The following EXD1 variants were observed in gnomAD, a reference collection of about 807,000 sequenced individuals.
EXD1 encodes piRNA biogenesis protein EXD1.
EXD1 carries 63 observed loss-of-function variants against 49.1 expected under a neutral mutation model. The ratio of observed to expected loss-of-function variants is 1.28; its 90% confidence interval spans 1.05 to 1.58. The LOEUF is 1.58. Among genes scored for constraint, EXD1 ranks in the 40% most tolerant of loss-of-function variants. EXD1 has a pLI of 0.00. For missense variants in EXD1, 748 were observed against 666.0 expected, an observed-to-expected ratio of 1.12 and a Z score of -1.36; for synonymous variants, 234 against 239.2, an observed-to-expected ratio of 0.98 and a Z score of 0.20.
At chr15:41,224,074 G>T (rs1248154024) in intron 2 of EXD1, among the ~76,000 whole-genome samples, 3 of 151,600 alleles carry the variant, frequency 2.0e-5, no homozygotes, top group African/African-American at 7.3e-5. Flanking sequence ...CAAGTAGCTG[G>T]GATTACAGGT....
chr15:41,196,138 T>G, intron 7 of EXD1, 101 bp from the exon 8 acceptor site: 3 of 794,968 alleles, frequency 3.8e-6, no homozygotes, highest in Non-Finnish European at 5.9e-6. Flanking sequence ...ATATCTAACA[T>G]CTTCACTTTA....
At chr15:41,219,136 C>T (rs1008406757) in intron 3 of EXD1, among the ~76,000 whole-genome samples, 1 of 152,138 alleles carries the variant, frequency 6.6e-6, no homozygotes, top group African/African-American at 2.4e-5. Context: ...TCCTACTTGA[C>T]ATGTATGAAG....
chr15:41,189,369 A>AAAAAAATAAATAAAT, intron 11 of EXD1, among the ~76,000 whole-genome samples: 1 of 150,852 alleles, frequency 6.6e-6, no homozygotes, highest in South Asian at 2.1e-4. Flanking sequence ...CTCCATCTCA[A>AAAAAAATAAATAAAT]AAAATAAAAA....
rs1445037210 is a variant in EXD1 at position 41,191,428 on chromosome 15, T to TC, written c.864+13dup. Reference sequence around the variant, plus strand: ...AAAAAAAATAATGTCATACAGGACATCCTTTACACCCACCTGAATTAGTTT... The same window carrying TC: ...AAAAAAAATAATGTCATACAGGACATCCCTTTACACCCACCTGAATTAGTTT... On this transcript the variant is annotated intron_variant, in intron 10 of 11. Transcript: ENST00000458580. 1.1e-5 allele frequency: 16 copies of TC among 1,448,300 alleles called. No individual in the cohort carries two copies. Among genetic ancestry groups the TC allele is most frequent in the Non-Finnish European group, 1.5e-5 (16 of 1,095,528 alleles). The allele number at this position is 1,448,300 out of a possible 1,614,324, so 89.7% of individuals were successfully genotyped here.
At position 41,209,589 on chromosome 15, in the gene EXD1, T is replaced by G; in HGVS notation, c.448-2A>C. The G allele has an allele frequency of 1.2e-6, 2 of 1,613,116 alleles. No homozygotes were observed. The highest frequency in any genetic ancestry group is 1.7e-6 in the Non-Finnish European group (2 of 1,179,698). On this transcript the variant is annotated splice_acceptor_variant, in intron 6 of 11. Transcript: ENST00000458580. LOFTEE classifies it high-confidence loss of function. ...ATTCTGCTTCTTGATATGGAGTATCTGGTAAGAAAAAGAAGGAAAGGAAAA... is the reference window on the plus strand; with the variant it reads ...ATTCTGCTTCTTGATATGGAGTATCGGGTAAGAAAAAGAAGGAAAGGAAAA...
chr15:41,189,295 G>A (rs1276884595), intron 11 of EXD1, among the ~76,000 whole-genome samples: 3 of 151,904 alleles, frequency 2.0e-5, no homozygotes, highest in Admixed American at 6.6e-5. Context: ...TTGAACCCAG[G>A]AGGCGGAGGC....
chr15:41,221,151 T>C (rs1398746201), intron 2 of EXD1, among the ~76,000 whole-genome samples: 2 of 152,334 alleles, frequency 1.3e-5, no homozygotes, highest in East Asian at 1.9e-4. Context: ...ATAATAAGTA[T>C]TTTATTATCT....
At chr15:41,224,411 T>A (rs1443725301) in intron 2 of EXD1, among the ~76,000 whole-genome samples, 1 of 152,190 alleles carries the variant, frequency 6.6e-6, no homozygotes, top group African/African-American at 2.4e-5. Flanking sequence ...AACTCAAAAT[T>A]TGGTTTCATA....
chr15:41,194,528 C>T lies in EXD1; in HGVS notation c.720+1247G>A, dbSNP rs977204547. On this transcript the variant is annotated intron_variant, in intron 9 of 11. Coordinates refer to ENST00000458580, the MANE Select transcript of EXD1 (RefSeq NM_001286441.2). ...AGAAGAAATCAGCCCTGCAAGACAC[C>T]TTGACTTTAGCCTAGTGAAAATGAT... Among the ~76,000 whole-genome samples the T allele has an allele frequency of 2.0e-5, 3 of 152,150 alleles. No individual in the cohort carries two copies. In the East Asian group the frequency reaches 5.8e-4, roughly 29 times the overall value.
At chr15:41,203,404 G>A (rs2046764831) in intron 7 of EXD1, among the ~76,000 whole-genome samples, 1 of 152,078 alleles carries the variant, frequency 6.6e-6, no homozygotes, top group Non-Finnish European at 1.5e-5. Flanking sequence ...CTGAATTGTG[G>A]GCTTCTAGCC....
intron 1 of EXD1, 64 bp downstream of exon 1, chr15:41,230,415 G>A (rs1214866281): frequency 1.3e-6 from 2 of 1,530,728 alleles, no homozygotes; most frequent in Admixed American, 1.7e-5. Context: ...AATACACCAT[G>A]AGAATAAAAT....
intron 2 of EXD1, among the ~76,000 whole-genome samples, chr15:41,223,613 G>A (rs1326007586): frequency 6.6e-6 from 1 of 152,000 alleles, no homozygotes; most frequent in Middle Eastern, 3.2e-3. Context: ...TGTAATCCCA[G>A]CACTTTGGGA....
At chr15:41,186,850 C>T (rs1425370197) in intron 11 of EXD1, among the ~76,000 whole-genome samples, 1 of 150,442 alleles carries the variant, frequency 6.6e-6, no homozygotes, top group East Asian at 1.9e-4. Context: ...TCTCGGCTCA[C>T]TGCAACCTCC....
At chr15:41,220,474 T>G (rs76780567) in intron 2 of EXD1, among the ~76,000 whole-genome samples, 24,615 of 152,018 alleles carry the variant, frequency 0.16, 3,684 homozygotes, top group African/African-American at 0.4. Flanking sequence ...TAGCCAGGAT[T>G]GGCTCGATCT....
intron 4 of EXD1, 79 bp from the exon 5 acceptor site, chr15:41,216,874 C>A: frequency 6.3e-7 from 1 of 1,577,178 alleles, no homozygotes; most frequent in South Asian, 1.2e-5. Context: ...CACACATTAA[C>A]GTTAAGGACA....
chr15:41,214,523 A>C (rs930896149), intron 6 of EXD1, among the ~76,000 whole-genome samples: 5 of 152,024 alleles, frequency 3.3e-5, no homozygotes, highest in African/African-American at 1.2e-4. Context: ...AAAAAAAAAA[A>C]AAAATTCTGA....
At chr15:41,225,641 G>C (rs188773213) in intron 2 of EXD1, among the ~76,000 whole-genome samples, 1 of 151,140 alleles carries the variant, frequency 6.6e-6, no homozygotes, top group African/African-American at 2.4e-5. Context: ...CCAGCACTTT[G>C]GGGGACCGAG....
At position 41,230,454 on chromosome 15, in the gene EXD1, A is replaced by G. The variant is rs753207648; in HGVS notation, c.-54+25T>C. Reference sequence around the variant, plus strand: ...AAATTTCTCATTTTTAAGACAAAATAAGGAACTTCAAATAAATGGCGGACC... The same window carrying G: ...AAATTTCTCATTTTTAAGACAAAATGAGGAACTTCAAATAAATGGCGGACC... On this transcript the variant is annotated intron_variant, in intron 1 of 11. Transcript: ENST00000458580. The G allele has an allele frequency of 1.1e-5, 18 of 1,604,382 alleles. 1 individual carries two copies. The highest frequency in any genetic ancestry group is 1.4e-5 in the Non-Finnish European group (16 of 1,171,198).
Position 41,226,606 on chromosome 15 carries a change from A to C in EXD1, c.-31T>G, listed in dbSNP as rs1157621927. 6.6e-7 allele frequency: 1 copy of C among 1,526,516 alleles called. No homozygotes were observed. Among genetic ancestry groups the C allele is most frequent in the East Asian group, 2.5e-5 (1 of 40,750 alleles). The allele number at this position is 1,526,516 out of a possible 1,614,324, so 94.6% of individuals were successfully genotyped here. A position where few individuals can be genotyped will look rare whatever the true frequency, so the allele number is the denominator to read the frequency against. ...TTGATTCCAAAAGCCGTCTTCAAAT[A>C]ATCTTCTTTAAGCATCCAAACACTT... is the stretch of plus-strand genomic sequence containing the variant. On this transcript the variant is annotated 5_prime_UTR_variant, in exon 2 of 12. The change creates a new upstream start codon in the 5' untranslated region. Coordinates refer to ENST00000458580, the MANE Select transcript of EXD1 (RefSeq NM_001286441.2).
Sources: allele counts gnomAD v4.1 joint callset (sites outside exome capture counted in the v4.1 genomes callset), GRCh38; gene constraint gnomAD v4.1.1; transcripts MANE v1.5; gene names NCBI Gene and HGNC (gene_info 2026-07-23, HGNC 2026-07-21).